Variants in CACNA2D3 observed in about 807,000 individuals in gnomAD.
CACNA2D3 encodes voltage-dependent calcium channel subunit alpha-2/delta-3.
A neutral mutation model predicts 160.6 loss-of-function variants in CACNA2D3; 60 were observed. The ratio of observed to expected loss-of-function variants is 0.37; its 90% CI spans 0.30 to 0.46. The LOEUF (loss-of-function observed/expected upper bound fraction) is 0.46, where lower values mean the gene tolerates loss of function less well. Among genes scored for constraint, CACNA2D3 ranks in the 20% least tolerant of loss-of-function variants. CACNA2D3 has a pLI of 1.00. For missense variants in CACNA2D3, 1,205 were observed against 1,365.0 expected (o/e 0.88, Z 1.85); for synonymous variants, 558 against 492.9 (o/e 1.13, Z -1.75).
intron 4 of CACNA2D3, among the ~76,000 whole-genome samples, chr3:54,464,510 T>A (rs1700575362): frequency 1.3e-5 from 2 of 152,348 alleles, no homozygotes; most frequent in South Asian, 4.1e-4. Flanking sequence ...CGCTGCCACC[T>A]TGCAGTTTGA....
At chr3:54,171,117 T>C (rs537017816) in intron 2 of CACNA2D3, among the ~76,000 whole-genome samples, 115 of 133,156 alleles carry the variant, frequency 8.6e-4, no homozygotes, top group African/African-American at 3.0e-3. Flanking sequence ...GCCTTCTGTT[T>C]ACATTTTAAA....
chr3:54,583,342 T>C (rs1402909790), intron 9 of CACNA2D3, among the ~76,000 whole-genome samples: 3 of 152,158 alleles, frequency 2.0e-5, no homozygotes, highest in East Asian at 3.9e-4. Flanking sequence ...GGCTAAGAAA[T>C]TATTCTAAAT....
intron 11 of CACNA2D3, among the ~76,000 whole-genome samples, chr3:54,740,299 A>G (rs1233127308): frequency 6.6e-6 from 1 of 152,122 alleles, no homozygotes; most frequent in African/African-American, 2.4e-5. Flanking sequence ...TGAAGGTAAG[A>G]AATAAACTTT....
intron 2 of CACNA2D3, among the ~76,000 whole-genome samples, chr3:54,157,301 T>C (rs1028955190): frequency 6.6e-6 from 1 of 152,210 alleles, no homozygotes; most frequent in Non-Finnish European, 1.5e-5. Context: ...TCCACCTCCA[T>C]TACCAATGGG....
chr3:54,367,192 AT>A lies in CACNA2D3; in HGVS notation c.322-19514del, dbSNP rs35577807. ...AGCTGTCCAATCATATTTCTTAGAG[AT>A]TTTTTTTTAAACTACAGGATTAACC... On this transcript the variant is annotated intron_variant, in intron 3 of 37. Coordinates refer to ENST00000474759, the MANE Select transcript of CACNA2D3 (RefSeq NM_018398.3). 1.6e-4 allele frequency among the ~76,000 whole-genome samples: 24 copies of A among 151,872 alleles called. No homozygotes were observed. In the East Asian group the frequency reaches 3.1e-3, roughly 20 times the overall value.
At chr3:54,470,847 G>C (rs891962685) in intron 4 of CACNA2D3, among the ~76,000 whole-genome samples, 1 of 152,122 alleles carries the variant, frequency 6.6e-6, no homozygotes, top group Non-Finnish European at 1.5e-5. Context: ...AGGGATCAAT[G>C]CAACAAGAAG....
rs371716053 is a variant in CACNA2D3, at chr3:55,012,206, A to G, written c.2875+2763A>G. Among the ~76,000 whole-genome samples the G allele has an allele frequency of 7.9e-5, 12 of 152,268 alleles. No individual in the cohort carries two copies. In the East Asian group the frequency reaches 1.2e-3, roughly 15 times the overall value. ...TGTCAACAGAGGAAACAATAGACAT[A>G]ATATGGTTGTGAGAGGTGAATTAAG... On this transcript the variant is annotated intron_variant, in intron 34 of 37. Coordinates refer to ENST00000474759, the MANE Select transcript of CACNA2D3 (RefSeq NM_018398.3).
At chr3:54,862,800 C>T (rs1202404847) in intron 17 of CACNA2D3, among the ~76,000 whole-genome samples, 1 of 152,194 alleles carries the variant, frequency 6.6e-6, no homozygotes, top group African/African-American at 2.4e-5. Context: ...TGGCATCTTT[C>T]GAAAGTTAAC....
chr3:54,422,110 T>G (rs186418552), intron 4 of CACNA2D3, among the ~76,000 whole-genome samples: 1 of 152,352 alleles, frequency 6.6e-6, no homozygotes, highest in East Asian at 1.9e-4. Flanking sequence ...GTTCACTGGT[T>G]GGAGAAAACG....
chr3:54,689,780 CCTAA>C (rs1035802721), intron 11 of CACNA2D3, among the ~76,000 whole-genome samples: 5 of 152,108 alleles, frequency 3.3e-5, no homozygotes, highest in Non-Finnish European at 7.4e-5. Context: ...ACACTAGCCT[CCTAA>C]CTAGTCTCCC....
At chr3:54,406,540 G>A (rs140621535) in intron 4 of CACNA2D3, among the ~76,000 whole-genome samples, 221 of 152,186 alleles carry the variant, frequency 1.5e-3, no homozygotes, top group African/African-American at 5.0e-3. Flanking sequence ...ATTATGCTAA[G>A]TGAAATAAGC....
intron 27 of CACNA2D3, among the ~76,000 whole-genome samples, chr3:54,916,216 G>T (rs980332142): frequency 6.6e-6 from 1 of 152,186 alleles, no homozygotes; most frequent in African/African-American, 2.4e-5. Context: ...CACGGTACAC[G>T]GTGTGAGCTC....
chr3:54,510,958 C>T (rs1432977487), intron 5 of CACNA2D3, among the ~76,000 whole-genome samples: 2 of 152,170 alleles, frequency 1.3e-5, no homozygotes, highest in Admixed American at 6.5e-5. Flanking sequence ...TCCATTCAGC[C>T]CTGTTTGTAG....
rs377222731 is a variant in CACNA2D3, at chr3:54,796,441, A to T, written c.1381-20412A>T. 4.8e-4 allele frequency among the ~76,000 whole-genome samples: 73 copies of T among 152,296 alleles called. 1 individual carries two copies. In the South Asian group the frequency reaches 0.015, roughly 31 times the overall value. ...CCAGTCTTGACTTTGAGAAGTGCTT[A>T]TGTGCACAAAGAGAACTAATATCAG... On this transcript the variant is annotated intron_variant, in intron 13 of 37. Transcript: ENST00000474759.
At chr3:54,225,855 T>C (rs1349128010) in intron 2 of CACNA2D3, among the ~76,000 whole-genome samples, 1 of 152,110 alleles carries the variant, frequency 6.6e-6, no homozygotes, top group Non-Finnish European at 1.5e-5. Flanking sequence ...ACTTGGAAAC[T>C]TGTAGAGGCC....
chr3:54,243,646 C>T (rs193113028), intron 2 of CACNA2D3, among the ~76,000 whole-genome samples: 183 of 152,232 alleles, frequency 1.2e-3, no homozygotes, highest in African/African-American at 4.0e-3. Context: ...CAAACGAAAA[C>T]GAAACAAAAC....
intron 11 of CACNA2D3, among the ~76,000 whole-genome samples, chr3:54,697,411 C>A (rs146534437): frequency 2.6e-5 from 4 of 152,304 alleles, no homozygotes; most frequent in Non-Finnish European, 4.4e-5. Context: ...AGTTTGAGGA[C>A]CACTGTCTTA....
intron 35 of CACNA2D3, among the ~76,000 whole-genome samples, chr3:55,071,394 C>T (rs1704802168): frequency 6.6e-6 from 1 of 152,094 alleles, no homozygotes; most frequent in African/African-American, 2.4e-5. Flanking sequence ...TGTTTAATTT[C>T]TCATGCTATC....
chr3:55,043,314 C>A (rs1157157121), intron 35 of CACNA2D3, among the ~76,000 whole-genome samples: 3 of 150,654 alleles, frequency 2.0e-5, no homozygotes, highest in African/African-American at 4.9e-5. Flanking sequence ...TGCTCCCTCC[C>A]TCCCTCCCTC....
Sources: allele counts gnomAD v4.1 joint callset (sites outside exome capture counted in the v4.1 genomes callset), GRCh38; gene constraint gnomAD v4.1.1; transcripts MANE v1.5; gene names NCBI Gene and HGNC (gene_info 2026-07-23, HGNC 2026-07-21).